Variants in ZHX2 observed in about 807,000 individuals in gnomAD.
ZHX2 encodes the protein zinc fingers and homeoboxes protein 2.
ZHX2 carries 6 observed loss-of-function variants against 21.9 expected under a neutral mutation model. The ratio of observed to expected loss-of-function variants is 0.27; its 90% CI spans 0.15 to 0.54. The LOEUF (loss-of-function observed/expected upper bound fraction) is 0.54. ZHX2 is among the 20% of genes least tolerant of loss of function. The probability of loss-of-function intolerance (pLI) is 0.95; values close to 1 mark genes in which losing one functional copy is unlikely to be tolerated. For missense variants in ZHX2, 908 were observed against 1,090.7 expected, an observed-to-expected ratio of 0.83 and a Z score of 2.36; for synonymous variants, 434 against 437.1, an observed-to-expected ratio of 0.99 and a Z score of 0.09.
At chr8:122,808,216 T>A (rs1450623360) in intron 1 of ZHX2, among the ~76,000 whole-genome samples, 1 of 152,226 alleles carries the variant, frequency 6.6e-6, no homozygotes, top group Non-Finnish European at 1.5e-5. Context: ...ATGCCTCAGG[T>A]CAACTTCAGG....
chr8:122,906,174 T>A (rs1820343182), intron 2 of ZHX2, among the ~76,000 whole-genome samples: 2 of 152,258 alleles, frequency 1.3e-5, no homozygotes. Flanking sequence ...CATACTTAAC[T>A]CTAATAGCTA....
intron 1 of ZHX2, among the ~76,000 whole-genome samples, chr8:122,838,720 A>G (rs1341272523): frequency 2.0e-5 from 3 of 151,714 alleles, no homozygotes; most frequent in East Asian, 3.9e-4. Context: ...TGGGACTACA[A>G]GCACGTGCCA....
chr8:122,849,881 C>T (rs1489757210), intron 1 of ZHX2, among the ~76,000 whole-genome samples: 1 of 152,174 alleles, frequency 6.6e-6, no homozygotes, highest in Non-Finnish European at 1.5e-5. Context: ...TAATGTGTCT[C>T]ATGCCCCGCA....
At chr8:122,945,993 G>C (rs1812967032) in intron 2 of ZHX2, among the ~76,000 whole-genome samples, 1 of 152,172 alleles carries the variant, frequency 6.6e-6, no homozygotes. Context: ...GGATGTGACT[G>C]TGCCCAGTTC....
intron 2 of ZHX2, among the ~76,000 whole-genome samples, chr8:122,924,770 G>A (rs1452490821): frequency 1.3e-5 from 2 of 152,214 alleles, no homozygotes; most frequent in African/African-American, 4.8e-5. Flanking sequence ...AATATCTGGT[G>A]ACCAGACAGA....
At chr8:122,904,138 C>T (rs1370075346) in intron 2 of ZHX2, among the ~76,000 whole-genome samples, 1 of 152,080 alleles carries the variant, frequency 6.6e-6, no homozygotes, top group African/African-American at 2.4e-5. Context: ...AGGCCATCAA[C>T]CACAAATGCT....
chr8:122,827,675 G>A (rs1818291552), intron 1 of ZHX2, among the ~76,000 whole-genome samples: 1 of 152,196 alleles, frequency 6.6e-6, no homozygotes, highest in Non-Finnish European at 1.5e-5. Context: ...AAAAAGGAGA[G>A]AATCTGTACA....
rs147944095 is a variant in ZHX2 at position 122,782,246 on chromosome 8, G to A, written c.-283+300G>A. ...TTGGATAAATGGGAGCCAGAGCGAG[G>A]AGGAGGAGGAGGAGGAGGAAAAACA... On this transcript the variant is annotated intron_variant, in intron 1 of 3. Coordinates refer to ENST00000314393, the MANE Select transcript of ZHX2 (RefSeq NM_014943.5). This position sits in a 1 kb window ranked among gnomAD's most constrained non-coding sequence, Gnocchi z 5.3. Among the ~76,000 whole-genome samples, 82 of 151,058 alleles carry A rather than the reference G, an allele frequency of 5.4e-4. 1 individual carries two copies. In the East Asian group the frequency reaches 0.014, roughly 25 times the overall value.
At chr8:122,799,889 G>A (rs2130567899) in intron 1 of ZHX2, among the ~76,000 whole-genome samples, 1 of 152,064 alleles carries the variant, frequency 6.6e-6, no homozygotes, top group South Asian at 2.1e-4. Context: ...TTGAGATGGA[G>A]TTTCACTCTT....
intron 1 of ZHX2, among the ~76,000 whole-genome samples, chr8:122,830,425 G>A (rs934576599): frequency 2.0e-5 from 3 of 152,148 alleles, no homozygotes; most frequent in Admixed American, 1.3e-4. Flanking sequence ...TTCAGGCCCC[G>A]GGGAGAATCT....
Position 122,842,770 on chromosome 8 carries a change from A to G in ZHX2, c.-282-20707A>G, listed in dbSNP as rs535156204. On this transcript the variant is annotated intron_variant, in intron 1 of 3. Coordinates refer to ENST00000314393, the MANE Select transcript of ZHX2 (RefSeq NM_014943.5). ...AACCTAAAGCCTCCAAATCCCTGAGAGTCAAGGCCCAAGACTTTTCTCCCC... is the reference window on the plus strand; with the variant it reads ...AACCTAAAGCCTCCAAATCCCTGAGGGTCAAGGCCCAAGACTTTTCTCCCC... 2.6e-5 allele frequency among the ~76,000 whole-genome samples: 4 copies of G among 152,166 alleles called. No homozygotes were observed. The South Asian group carries it at 8.3e-4, about 32-fold the overall frequency.
intron 2 of ZHX2, among the ~76,000 whole-genome samples, chr8:122,944,879 T>C (rs1257142573): frequency 6.6e-6 from 1 of 152,150 alleles, no homozygotes; most frequent in Non-Finnish European, 1.5e-5. Flanking sequence ...ATTAAGGTAA[T>C]TAATTACCCT....
rs1417362628 is a variant in ZHX2, at chr8:122,953,718, G to T, written c.2208G>T (p.Lys736Asn). Residue 736 changes from lysine (K) to asparagine (N), a missense_variant, in exon 3 of 4, where the codon AAG becomes AAT. Transcript: ENST00000314393. The surrounding 1 kb of genome is among the most constrained non-coding windows in gnomAD (Gnocchi z 4.6). Reference sequence around the variant, plus strand: ...CACAATATTACAAGGACCCCAAAAAGCTCTGCGAAGAGGACTTGGAGAAGT... The same window carrying T: ...CACAATATTACAAGGACCCCAAAAATCTCTGCGAAGAGGACTTGGAGAAGT... The part of the protein sequence containing the change: ...VVPQYYKDPK[K>N]LCEEDLEKLV... 1 of 1,614,224 alleles carries T rather than the reference G, an allele frequency of 6.2e-7. No individual in the cohort carries two copies. Among genetic ancestry groups the T allele is most frequent in the Non-Finnish European group, 8.5e-7 (1 of 1,180,042 alleles).
At chr8:122,818,173 C>T in intron 1 of ZHX2, among the ~76,000 whole-genome samples, 1 of 152,096 alleles carries the variant, frequency 6.6e-6, no homozygotes, top group Non-Finnish European at 1.5e-5. Flanking sequence ...TGCTGCAGGG[C>T]ATTGGGTCAA....
chr8:122,876,025 A>G (rs1371575556), intron 2 of ZHX2, among the ~76,000 whole-genome samples: 2 of 151,726 alleles, frequency 1.3e-5, no homozygotes, highest in African/African-American at 4.8e-5. Flanking sequence ...CCATTCATCC[A>G]TCCATCCCTC....
At chr8:122,919,351 G>A (rs765139347) in intron 2 of ZHX2, among the ~76,000 whole-genome samples, 8 of 152,252 alleles carry the variant, frequency 5.3e-5, no homozygotes, top group East Asian at 1.9e-4. Flanking sequence ...TGATTGCAAC[G>A]TCTGGGGAAG....
chr8:122,788,859 A>C (rs1159241257), intron 1 of ZHX2, among the ~76,000 whole-genome samples: 2 of 152,174 alleles, frequency 1.3e-5, no homozygotes, highest in African/African-American at 4.8e-5. Context: ...ACGTGTGCGT[A>C]TGAGAGTTTA....
chr8:122,911,112 G>T (rs74723886), intron 2 of ZHX2, among the ~76,000 whole-genome samples: 4,685 of 152,264 alleles, frequency 0.031, 216 homozygotes, highest in African/African-American at 0.11. Flanking sequence ...CTACACACAC[G>T]CAGGATGGCC....
chr8:122,936,571 C>CGAG (rs1812698344), intron 2 of ZHX2, among the ~76,000 whole-genome samples: 1 of 152,174 alleles, frequency 6.6e-6, no homozygotes, highest in African/African-American at 2.4e-5. Flanking sequence ...ATGGTGGCAG[C>CGAG]GAGGAGGCTG....
Sources: gnomAD v4.1 joint callset for allele counts (sites outside exome capture counted in the v4.1 genomes callset) on GRCh38, gnomAD v4.1.1 for gene constraint, Gnocchi (gnomAD v3.1) non-coding constraint, MANE v1.5 for transcripts, NCBI Gene and HGNC (gene_info 2026-07-23, HGNC 2026-07-21) for gene names.